Variants in TNKS2 observed in about 807,000 individuals in gnomAD.
The protein encoded by TNKS2 is poly [ADP-ribose] polymerase tankyrase-2.
TNKS2 carries 72 observed loss-of-function variants against 137.6 expected under a neutral mutation model. The observed-to-expected ratio is 0.52, with a 90% confidence interval of 0.43 to 0.64. The LOEUF is 0.64. Ranked by LOEUF, TNKS2 falls within the 30% of genes least tolerant of loss-of-function variation. The pLI, the probability that TNKS2 is intolerant of heterozygous loss-of-function variation, is 0.00. For synonymous variants in TNKS2, 516 were observed against 512.1 expected (o/e 1.01, Z -0.10); for missense variants, 1,049 against 1,410.2 (o/e 0.74, Z 4.10).
At position 91,863,983 on chromosome 10, in the gene TNKS2, G is replaced by C. The variant is rs181246479; in HGVS notation, c.*984G>C. 3 of 151,290 alleles carry C rather than the reference G, an allele frequency of 2.0e-5. No individual in the cohort carries two copies. The East Asian group carries it at 5.8e-4, about 29-fold the overall frequency. 9.4% of individuals were successfully genotyped at this position (151,290 alleles called of 1,614,324 possible). A position where few individuals can be genotyped will look rare whatever the true frequency, so the allele number is the denominator to read the frequency against. ...TATTCTAATTACCTTAAATCTAAAG[G>C]GGAAAAAAAAAATCACAAACAGGAC... On this transcript the variant is annotated 3_prime_UTR_variant, in exon 27 of 27. Transcript: ENST00000371627.
Position 91,827,732 on chromosome 10 carries a change from G to A in TNKS2, c.982+529G>A, listed in dbSNP as rs553248215. Reference sequence around the variant, plus strand: ...ACTTATATTGGATTTATATTATCCTGGAATAATAAAGAATGATTGGTAGTT... The same window carrying A: ...ACTTATATTGGATTTATATTATCCTAGAATAATAAAGAATGATTGGTAGTT... On this transcript the variant is annotated intron_variant, in intron 8 of 26. Transcript: ENST00000371627. 1.7e-3 allele frequency among the ~76,000 whole-genome samples: 258 copies of A among 152,250 alleles called. 1 individual carries two copies. Among genetic ancestry groups the A allele is most frequent in the African/African-American group, 5.9e-3 (246 of 41,536 alleles).
intron 1 of TNKS2, among the ~76,000 whole-genome samples, chr10:91,812,094 T>G (rs1290570102): frequency 6.6e-6 from 1 of 151,906 alleles, no homozygotes; most frequent in Non-Finnish European, 1.5e-5. Flanking sequence ...CGGAGAAAAT[T>G]TCAGAAGAGT....
rs1023162795 is a variant in TNKS2 at position 91,864,717 on chromosome 10, C to T, written c.*1718C>T. 12 of 152,436 alleles carry T rather than the reference C, an allele frequency of 7.9e-5. No homozygotes were observed. The highest frequency in any genetic ancestry group is 1.9e-4 in the East Asian group (1 of 5,178). The allele number at this position is 152,436 out of a possible 1,614,324, so 9.4% of individuals were successfully genotyped here. On this transcript the variant is annotated 3_prime_UTR_variant, in exon 27 of 27. Coordinates refer to ENST00000371627, the MANE Select transcript of TNKS2 (RefSeq NM_025235.4). The stretch of plus-strand genomic sequence containing the variant: ...CAGCTCTCTAATAATTACAAATATC[C>T]GAAAGTCATTTCTTGGAACACAAGT...
chr10:91,849,853 T>C (rs966956751), intron 20 of TNKS2, among the ~76,000 whole-genome samples: 5 of 151,660 alleles, frequency 3.3e-5, no homozygotes, highest in Non-Finnish European at 5.9e-5. Flanking sequence ...AAGTAAGTTA[T>C]CCTTGAGCAC....
intron 26 of TNKS2, among the ~76,000 whole-genome samples, chr10:91,862,392 C>T (rs1564633094): frequency 2.6e-5 from 4 of 152,130 alleles, no homozygotes; most frequent in Admixed American, 1.3e-4. Flanking sequence ...ACCATTCTCT[C>T]CTTCTTTCCT....
chr10:91,800,085 A>C (rs1197697598), intron 1 of TNKS2, among the ~76,000 whole-genome samples: 1 of 152,214 alleles, frequency 6.6e-6, no homozygotes, highest in Non-Finnish European at 1.5e-5. Flanking sequence ...GATCAATTGC[A>C]CCTTTGTTGG....
In TNKS2 at chr10:91,827,192, A is replaced by C; in HGVS notation, c.971A>C (p.Glu324Ala). 1 of 1,553,032 alleles carries C rather than the reference A, an allele frequency of 6.4e-7. No homozygotes were observed. The highest frequency in any genetic ancestry group is 8.7e-7 in the Non-Finnish European group (1 of 1,147,348). The change falls in exon 8 of 27, where the codon GAA becomes GCA. Residue 324 changes from glutamate to alanine, a missense_variant. Coordinates refer to ENST00000371627, the MANE Select transcript of TNKS2 (RefSeq NM_025235.4). ...IDLAPTPQLKERLAYEFKGHS... is the reference protein window; with the variant it reads ...IDLAPTPQLKARLAYEFKGHS... ...TTGGCTCCCACACCACAGTTAAAAGAAAGATTAGCATGTGAGTATAAAATT... is the reference window on the plus strand; with the variant it reads ...TTGGCTCCCACACCACAGTTAAAAGCAAGATTAGCATGTGAGTATAAAATT...
intron 1 of TNKS2, among the ~76,000 whole-genome samples, chr10:91,808,088 C>T (rs1282019006): frequency 6.6e-6 from 1 of 151,344 alleles, no homozygotes; most frequent in Non-Finnish European, 1.5e-5. Context: ...AGACAAAAAT[C>T]CCTGTTGTAT....
chr10:91,826,609 T>C (rs550047172), intron 7 of TNKS2, among the ~76,000 whole-genome samples: 2 of 152,298 alleles, frequency 1.3e-5, no homozygotes, highest in African/African-American at 4.8e-5. Context: ...AAAAGGAGCA[T>C]GAGGAAACAT....
At chr10:91,815,406 C>G (rs1397294298) in intron 2 of TNKS2, among the ~76,000 whole-genome samples, 1 of 152,194 alleles carries the variant, frequency 6.6e-6, no homozygotes, top group Non-Finnish European at 1.5e-5. Flanking sequence ...TCAAATACAT[C>G]ATTTTTACCA....
At position 91,855,097 on chromosome 10, in the gene TNKS2, G is replaced by T. The variant is rs1842665041; in HGVS notation, c.2884G>T (p.Asp962Tyr). 2 of 1,610,990 alleles carry T rather than the reference G, an allele frequency of 1.2e-6. No homozygotes were observed. The highest frequency in any genetic ancestry group is 2.2e-5 in the South Asian group (2 of 91,010). ...AATTCTTATAGATCTGTCTCCTGATGATAAAGAGTTTCAGTCTGTGGAGGA... is the reference window on the plus strand; with the variant it reads ...AATTCTTATAGATCTGTCTCCTGATTATAAAGAGTTTCAGTCTGTGGAGGA... ...GTILIDLSPD[D>Y]KEFQSVEEEM... Residue 962 changes from aspartate (D) to tyrosine (Y), a missense_variant, in exon 22 of 27, where the codon GAT becomes TAT. By Grantham distance (160) the Asp-to-Tyr change is radical (BLOSUM62 -3). Coordinates refer to ENST00000371627, the MANE Select transcript of TNKS2 (RefSeq NM_025235.4).
At chr10:91,841,963 T>TC (rs1307980269) in intron 15 of TNKS2, among the ~76,000 whole-genome samples, 1 of 74,494 alleles carries the variant, frequency 1.3e-5, no homozygotes, top group East Asian at 1.1e-3. Flanking sequence ...CATTAATGCA[T>TC]TAAAAAATCC....
intron 4 of TNKS2, 52 bp from the exon 5 acceptor site, chr10:91,819,430 G>A (rs1844815733): frequency 6.8e-7 from 1 of 1,467,610 alleles, no homozygotes; most frequent in Non-Finnish European, 9.1e-7. Context: ...TACTTATCTT[G>A]AGGAACATCT....
intron 12 of TNKS2, among the ~76,000 whole-genome samples, chr10:91,834,534 C>T (rs1841937006): frequency 6.6e-6 from 1 of 152,222 alleles, no homozygotes; most frequent in Non-Finnish European, 1.5e-5. Context: ...TTTTTGTCTA[C>T]ATCTCTACTT....
intron 1 of TNKS2, chr10:91,807,238 G>T (rs1156591133): frequency 1.2e-6 from 2 of 1,605,938 alleles, no homozygotes; most frequent in South Asian, 1.1e-5. Flanking sequence ...CGCATTAGTT[G>T]ACTGTGGAAT....
intron 1 of TNKS2, among the ~76,000 whole-genome samples, chr10:91,810,754 C>T (rs1048989635): frequency 1.3e-5 from 2 of 151,232 alleles, no homozygotes; most frequent in Admixed American, 6.6e-5. Flanking sequence ...GTGATCCACC[C>T]GCCTCGGCCT....
At chr10:91,809,999 A>C (rs565350664) in intron 1 of TNKS2, among the ~76,000 whole-genome samples, 1 of 152,300 alleles carries the variant, frequency 6.6e-6, no homozygotes, top group Admixed American at 6.5e-5. Flanking sequence ...ATTAATTTGC[A>C]GTTCTATGAA....
In TNKS2 at chr10:91,863,670, A is replaced by G. The variant is rs1365775345; in HGVS notation, c.*671A>G. The G allele has an allele frequency of 6.6e-6, 1 of 152,170 alleles. No individual in the cohort carries two copies. The allele number at this position is 152,170 out of a possible 1,614,324, so 9.4% of individuals were successfully genotyped here. A position where few individuals can be genotyped will look rare whatever the true frequency, so the allele number is the denominator to read the frequency against. Reference sequence around the variant, plus strand: ...CTTTCTCATTTAAGAACTTATGAATATGCTGAAGATTTAATTTGTGATACC... The same window carrying G: ...CTTTCTCATTTAAGAACTTATGAATGTGCTGAAGATTTAATTTGTGATACC... On this transcript the variant is annotated 3_prime_UTR_variant, in exon 27 of 27. Coordinates refer to ENST00000371627, the MANE Select transcript of TNKS2 (RefSeq NM_025235.4).
At chr10:91,811,298 T>A (rs999291522) in intron 1 of TNKS2, among the ~76,000 whole-genome samples, 8 of 151,754 alleles carry the variant, frequency 5.3e-5, no homozygotes, top group African/African-American at 1.9e-4. Flanking sequence ...GACCCTTCCT[T>A]GCTCATCTCC....
Sources: gnomAD v4.1 joint callset for allele counts (sites outside exome capture counted in the v4.1 genomes callset) on GRCh38, gnomAD v4.1.1 for gene constraint, MANE v1.5 for transcripts, NCBI Gene and HGNC (gene_info 2026-07-23, HGNC 2026-07-21) for gene names.